The following WWOX variants were observed in gnomAD, a reference collection of about 807,000 sequenced individuals.
The protein encoded by WWOX is WW domain-containing oxidoreductase.
WWOX carries 69 observed loss-of-function variants against 46.2 expected under a neutral mutation model. The observed-to-expected ratio is 1.49, with a 90% CI of 1.23 to 1.82. WWOX has a LOEUF of 1.82. Among genes scored for constraint, WWOX ranks in the 40% most tolerant of loss-of-function variants. The probability of loss-of-function intolerance (pLI) is 0.00; values close to 1 mark genes in which losing one functional copy is unlikely to be tolerated. For synonymous variants in WWOX, 359 were observed against 202.6 expected (o/e 1.77, Z -6.56); for missense variants, 919 against 542.6 (o/e 1.69, Z -6.89).
At chr16:78,693,571 G>C (rs1189657147) in intron 8 of WWOX, among the ~76,000 whole-genome samples, 8 of 152,086 alleles carry the variant, frequency 5.3e-5, no homozygotes, top group Non-Finnish European at 1.0e-4. Flanking sequence ...ATTTCAGGTG[G>C]GGGGCCCTCC....
At chr16:78,359,203 G>T (rs2081359111) in intron 5 of WWOX, among the ~76,000 whole-genome samples, 1 of 152,108 alleles carries the variant, frequency 6.6e-6, no homozygotes, top group African/African-American at 2.4e-5. Flanking sequence ...TGTATTACTT[G>T]CTAGGTGAGC....
At chr16:78,542,797 G>A (rs531960412) in intron 8 of WWOX, among the ~76,000 whole-genome samples, 24 of 152,220 alleles carry the variant, frequency 1.6e-4, no homozygotes, top group African/African-American at 4.3e-4. Flanking sequence ...AAGTGCTTTC[G>A]TTTCCTTTCT....
At chr16:78,984,147 G>GA (rs1423597675) in intron 8 of WWOX, among the ~76,000 whole-genome samples, 2 of 152,062 alleles carry the variant, frequency 1.3e-5, no homozygotes, top group African/African-American at 4.8e-5. Context: ...CAAAGTGCTG[G>GA]CATTACAGGC....
At chr16:78,814,495 C>G (rs1212724899) in intron 8 of WWOX, among the ~76,000 whole-genome samples, 5 of 151,968 alleles carry the variant, frequency 3.3e-5, no homozygotes. Flanking sequence ...AAGTGAACCT[C>G]TACTTTAGAA....
chr16:78,924,061 C>T (rs1185526233), intron 8 of WWOX, among the ~76,000 whole-genome samples: 1 of 152,024 alleles, frequency 6.6e-6, no homozygotes, highest in Non-Finnish European at 1.5e-5. Context: ...CGTGATTCCA[C>T]CCACCTTGGC....
At chr16:78,679,468 T>G (rs2047679359) in intron 8 of WWOX, among the ~76,000 whole-genome samples, 1 of 152,100 alleles carries the variant, frequency 6.6e-6, no homozygotes, top group Admixed American at 6.5e-5. Flanking sequence ...GGAGAGTCAC[T>G]TGATCCCGGG....
rs750042007 is a variant in WWOX at position 79,211,734 on chromosome 16, C to A, written c.1183C>A (p.Arg395=). 6.2e-7 allele frequency: 1 copy of A among 1,614,072 alleles called. No individual in the cohort carries two copies. The highest frequency in any genetic ancestry group is 8.5e-7 in the Non-Finnish European group (1 of 1,180,040). ...SPEAQSEETA[R]TLWALSERLI... ...AGAAGCTCAGAGCGAAGAGACGGCC[C>A]GGACCCTGTGGGCGCTCAGCGAGAG... Residue 395 remains arginine (R), a synonymous_variant, in exon 9 of 9, where the codon CGG becomes AGG. Transcript: ENST00000566780.
At chr16:79,207,853 A>G (rs1252898664) in intron 8 of WWOX, among the ~76,000 whole-genome samples, 1 of 152,146 alleles carries the variant, frequency 6.6e-6, no homozygotes, top group Non-Finnish European at 1.5e-5. Context: ...AAAGGAGTCA[A>G]TATGCATTTG....
At chr16:78,798,134 C>T (rs768874972) in intron 8 of WWOX, among the ~76,000 whole-genome samples, 39 of 152,170 alleles carry the variant, frequency 2.6e-4, no homozygotes, top group Non-Finnish European at 2.2e-4. Context: ...GAGCAAAGGA[C>T]AGAGCTTGGA....
intron 8 of WWOX, among the ~76,000 whole-genome samples, chr16:79,171,360 T>C (rs1047655700): frequency 7.2e-5 from 11 of 152,240 alleles, no homozygotes; most frequent in African/African-American, 2.7e-4. Context: ...GTTATTTATT[T>C]CCCACACTGA....
intron 8 of WWOX, among the ~76,000 whole-genome samples, chr16:78,557,978 A>C (rs1299156641): frequency 6.6e-6 from 1 of 152,028 alleles, no homozygotes. Flanking sequence ...CAGGAATTTC[A>C]TTGGATTTCT....
chr16:78,640,429 G>A (rs1464195586), intron 8 of WWOX, among the ~76,000 whole-genome samples: 2 of 151,914 alleles, frequency 1.3e-5, no homozygotes, highest in Non-Finnish European at 2.9e-5. Flanking sequence ...CAAGGTATAG[G>A]CTCACGTCTC....
intron 5 of WWOX, among the ~76,000 whole-genome samples, chr16:78,295,948 C>T (rs1355250293): frequency 6.6e-6 from 1 of 152,210 alleles, no homozygotes. Context: ...TTGCTAATTT[C>T]AGCTGCAGAG....
chr16:79,132,620 C>G (rs780478155), intron 8 of WWOX, among the ~76,000 whole-genome samples: 2 of 151,962 alleles, frequency 1.3e-5, no homozygotes, highest in African/African-American at 4.8e-5. Context: ...CCTCAAACAT[C>G]GCTTTTCTTT....
At chr16:78,722,270 T>C (rs1270601026) in intron 8 of WWOX, among the ~76,000 whole-genome samples, 1 of 152,186 alleles carries the variant, frequency 6.6e-6, no homozygotes, top group Non-Finnish European at 1.5e-5. Flanking sequence ...CAGTCCTAGC[T>C]CTGGCGCTTA....
At chr16:78,181,404 T>C (rs560993204) in intron 5 of WWOX, among the ~76,000 whole-genome samples, 14 of 152,322 alleles carry the variant, frequency 9.2e-5, no homozygotes, top group African/African-American at 3.4e-4. Context: ...TTGTCTAACA[T>C]AAATCTCTTC....
intron 8 of WWOX, among the ~76,000 whole-genome samples, chr16:79,043,024 T>C (rs2048001687): frequency 6.6e-6 from 1 of 152,162 alleles, no homozygotes; most frequent in Non-Finnish European, 1.5e-5. Context: ...TGTTCAGTGA[T>C]GTAATGGGAC....
At chr16:78,373,880 T>C (rs906449058) in intron 5 of WWOX, among the ~76,000 whole-genome samples, 1 of 152,158 alleles carries the variant, frequency 6.6e-6, no homozygotes, top group African/African-American at 2.4e-5. Flanking sequence ...CTCTGCCTCC[T>C]GAGTTCAAGC....
chr16:78,308,539 A>G (rs956684083), intron 5 of WWOX, among the ~76,000 whole-genome samples: 4 of 152,188 alleles, frequency 2.6e-5, no homozygotes, highest in Non-Finnish European at 5.9e-5. Context: ...ATGGAAAGAA[A>G]TCAAATTATT....
Sources: allele counts gnomAD v4.1 joint callset (sites outside exome capture counted in the v4.1 genomes callset), GRCh38; gene constraint gnomAD v4.1.1; transcripts MANE v1.5; gene names NCBI Gene and HGNC (gene_info 2026-07-23, HGNC 2026-07-21).